Variants in PRKN observed in about 807,000 individuals in gnomAD.
PRKN encodes the protein E3 ubiquitin-protein ligase parkin.
A neutral mutation model predicts 59.5 loss-of-function variants in PRKN; 56 were observed. The observed-to-expected ratio is 0.94, with a 90% CI of 0.76 to 1.18. PRKN has a LOEUF of 1.18. Ranked by LOEUF, PRKN falls within the 50% of genes most tolerant of loss-of-function variation. PRKN has a pLI of 0.00. For missense variants in PRKN, 657 were observed against 596.4 expected, an observed-to-expected ratio of 1.10 and a Z score of -1.06; for synonymous variants, 250 against 222.1, an observed-to-expected ratio of 1.13 and a Z score of -1.12.
intron 1 of PRKN, among the ~76,000 whole-genome samples, chr6:162,515,065 C>A (rs1471941931): frequency 6.7e-6 from 1 of 150,140 alleles, no homozygotes; most frequent in Non-Finnish European, 1.5e-5. Context: ...ATTTAGGAGG[C>A]CTTTGACAAC....
intron 1 of PRKN, among the ~76,000 whole-genome samples, chr6:162,558,065 A>G (rs1450437278): frequency 1.3e-5 from 2 of 152,206 alleles, no homozygotes; most frequent in African/African-American, 4.8e-5. Context: ...TCTACACACA[A>G]GTATCTATAT....
chr6:162,517,096 T>C (rs1170475674), intron 1 of PRKN, among the ~76,000 whole-genome samples: 1 of 151,910 alleles, frequency 6.6e-6, no homozygotes, highest in Non-Finnish European at 1.5e-5. Context: ...AATACAGATA[T>C]CTTCCTGGCT....
rs758422673 is a variant in PRKN, at chr6:161,562,532, A to C, written c.933+6823T>G. On this transcript the variant is annotated intron_variant, in intron 8 of 11. Coordinates refer to ENST00000366898, the MANE Select transcript of PRKN (RefSeq NM_004562.3). The surrounding 1 kb of genome is among the most constrained non-coding windows in gnomAD (Gnocchi z 4.3). ...TCTACATGCTGGTAATTCCAAAGTT[A>C]TCTCTCCATCTCGGACCTCAGGTCT... 6.6e-6 allele frequency among the ~76,000 whole-genome samples: 1 copy of C among 152,108 alleles called. No individual in the cohort carries two copies. The highest frequency in any genetic ancestry group is 2.4e-5 in the African/African-American group (1 of 41,418).
intron 6 of PRKN, among the ~76,000 whole-genome samples, chr6:161,787,272 T>C (rs1173795374): frequency 6.6e-6 from 1 of 152,124 alleles, no homozygotes; most frequent in Non-Finnish European, 1.5e-5. Context: ...ACAAAGAAAA[T>C]ACAATTCCTT....
intron 1 of PRKN, among the ~76,000 whole-genome samples, chr6:162,673,904 C>CAA (rs1224822898): frequency 6.6e-6 from 1 of 152,152 alleles, no homozygotes; most frequent in African/African-American, 2.4e-5. Flanking sequence ...CAGCAGGAGT[C>CAA]AAAGCCTGAT....
At chr6:162,400,217 C>A (rs150207613) in intron 2 of PRKN, among the ~76,000 whole-genome samples, 3 of 149,042 alleles carry the variant, frequency 2.0e-5, no homozygotes, top group Non-Finnish European at 3.0e-5. Flanking sequence ...AAGAAAAAAA[C>A]AAACAAACAA....
chr6:162,443,512 A>C (rs537434680), intron 1 of PRKN, 39 bp from the exon 2 acceptor site: 1 of 1,599,588 alleles, frequency 6.3e-7, no homozygotes, highest in East Asian at 2.2e-5. Flanking sequence ...GAAAGTGAGC[A>C]TCACTCGAAG....
Position 161,680,760 on chromosome 6 carries a change from TATATATA to T in PRKN, c.871+105005_871+105011del, listed in dbSNP as rs1475382573. ...ATATATATATATATATATATATATA[TATATATA>T]TATATATATTTTTTTTTTTTTTTCT... On this transcript the variant is annotated intron_variant, in intron 7 of 11. Coordinates refer to ENST00000366898, the MANE Select transcript of PRKN (RefSeq NM_004562.3). Among the ~76,000 whole-genome samples the T allele has an allele frequency of 4.3e-3, 77 of 17,980 alleles. 3 individuals carry two copies. Among genetic ancestry groups the T allele is most frequent in the African/African-American group, 0.011 (65 of 5,706 alleles). The allele number at this position is 17,980 out of a possible 152,430, so 11.8% of individuals were successfully genotyped here. A position where few individuals can be genotyped will look rare whatever the true frequency, so the allele number is the denominator to read the frequency against.
intron 7 of PRKN, among the ~76,000 whole-genome samples, chr6:161,680,259 G>A (rs9688406): frequency 0.07 from 10,599 of 152,154 alleles, 379 homozygotes; most frequent in African/African-American, 0.089. Context: ...AGGCTGACTC[G>A]GTAACCTACA....
chr6:162,668,096 C>A (rs1954910), intron 1 of PRKN, among the ~76,000 whole-genome samples: 9,728 of 152,150 alleles, frequency 0.064, 466 homozygotes, highest in East Asian at 0.29. Flanking sequence ...CAAAAATATT[C>A]TTTGAACCAT....
At chr6:161,651,914 A>G (rs11756322) in intron 7 of PRKN, among the ~76,000 whole-genome samples, 77,409 of 152,108 alleles carry the variant, frequency 0.51, 22,445 homozygotes, top group African/African-American at 0.81. Flanking sequence ...AAACCCATAC[A>G]ACAGTCATCT....
intron 1 of PRKN, among the ~76,000 whole-genome samples, chr6:162,492,909 C>T (rs994394550): frequency 2.3e-4 from 34 of 150,806 alleles, no homozygotes; most frequent in African/African-American, 6.8e-4. Flanking sequence ...GCTGAGATCC[C>T]GCCACTGCAC....
intron 3 of PRKN, among the ~76,000 whole-genome samples, chr6:162,244,831 T>C (rs1424048575): frequency 6.6e-6 from 1 of 152,032 alleles, no homozygotes; most frequent in Non-Finnish European, 1.5e-5. Flanking sequence ...AAGACAGTGG[T>C]TCCAATCTTA....
Position 161,455,703 on chromosome 6 carries a change from A to C in PRKN, c.1084-68826T>G, listed in dbSNP as rs552743569. Among the ~76,000 whole-genome samples the C allele has an allele frequency of 7.2e-5, 11 of 151,984 alleles. No homozygotes were observed. In the South Asian group the frequency reaches 2.3e-3, roughly 32 times the overall value. Reference sequence around the variant, plus strand: ...ACATGGTGAAACCCCATCTCTACTAAATACAAAAAATTAGCCAGGTATGGT... The same window carrying C: ...ACATGGTGAAACCCCATCTCTACTACATACAAAAAATTAGCCAGGTATGGT... On this transcript the variant is annotated intron_variant, in intron 9 of 11. Coordinates refer to ENST00000366898, the MANE Select transcript of PRKN (RefSeq NM_004562.3).
chr6:161,973,571 C>T (rs891826302), intron 5 of PRKN, among the ~76,000 whole-genome samples, 154 bp from the exon 6 acceptor site: 8 of 152,164 alleles, frequency 5.3e-5, no homozygotes, highest in African/African-American at 1.9e-4. Flanking sequence ...TTCCCAGGAA[C>T]GGATGACCTT....
chr6:161,942,880 C>A (rs1583381776), intron 6 of PRKN, among the ~76,000 whole-genome samples: 1 of 152,130 alleles, frequency 6.6e-6, no homozygotes, highest in Admixed American at 6.5e-5. Flanking sequence ...GAGTATCCAA[C>A]AGGAGATATT....
chr6:161,814,343 T>C (rs1211298933), intron 6 of PRKN, among the ~76,000 whole-genome samples: 1 of 152,212 alleles, frequency 6.6e-6, no homozygotes, highest in Non-Finnish European at 1.5e-5. Context: ...CCAAAGAGGT[T>C]TCTAAAGAGA....
At chr6:161,618,814 CT>C (rs1288457853) in intron 7 of PRKN, among the ~76,000 whole-genome samples, 1 of 152,164 alleles carries the variant, frequency 6.6e-6, no homozygotes, top group Non-Finnish European at 1.5e-5. Context: ...TAAAACCGCA[CT>C]CGTGTCTTAC....
At chr6:162,287,847 C>T (rs1436074658) in intron 2 of PRKN, among the ~76,000 whole-genome samples, 2 of 152,100 alleles carry the variant, frequency 1.3e-5, no homozygotes, top group African/African-American at 4.8e-5. Flanking sequence ...GAATTCGCAG[C>T]TAAGTGGGGG....
Sources: gnomAD v4.1 joint callset for allele counts (sites outside exome capture counted in the v4.1 genomes callset) on GRCh38, gnomAD v4.1.1 for gene constraint, Gnocchi (gnomAD v3.1) non-coding constraint, MANE v1.5 for transcripts, NCBI Gene and HGNC (gene_info 2026-07-23, HGNC 2026-07-21) for gene names.